The following C12orf75 variants were observed in gnomAD, a reference collection of about 807,000 sequenced individuals.
The protein encoded by C12orf75 is overexpressed in colon carcinoma 1 protein.
A neutral mutation model predicts 11.4 loss-of-function variants in C12orf75; 4 were observed. The ratio of observed to expected loss-of-function variants is 0.35; its 90% CI spans 0.17 to 0.80. The LOEUF (loss-of-function observed/expected upper bound fraction) is 0.80. C12orf75 is among the 30% of genes least tolerant of loss of function. The pLI, the probability that C12orf75 is intolerant of heterozygous loss-of-function variation, is 0.52. For synonymous variants in C12orf75, 30 were observed against 30.0 expected (o/e 1.00, Z 0.00); for missense variants, 89 against 80.4 (o/e 1.11, Z -0.41).
intron 2 of C12orf75, among the ~76,000 whole-genome samples, chr12:105,352,963 G>A (rs1892732447): frequency 1.3e-5 from 2 of 152,180 alleles, no homozygotes; most frequent in African/African-American, 4.8e-5. Flanking sequence ...AAACAAAACA[G>A]TGAATTCAAG....
chr12:105,347,620 A>T (rs776001977), intron 1 of C12orf75, among the ~76,000 whole-genome samples: 26 of 152,234 alleles, frequency 1.7e-4, no homozygotes, highest in Non-Finnish European at 3.2e-4. Context: ...CTGATAGCTG[A>T]TTAGATGGGG....
At chr12:105,343,272 ACTT>A (rs1465596185) in intron 1 of C12orf75, among the ~76,000 whole-genome samples, 2 of 151,400 alleles carry the variant, frequency 1.3e-5, no homozygotes, top group African/African-American at 2.4e-5. Context: ...TTTCATTTCT[ACTT>A]CTCCTGAGGC....
chr12:105,344,594 CAGTT>C (rs1892612862), intron 1 of C12orf75, among the ~76,000 whole-genome samples: 2 of 151,996 alleles, frequency 1.3e-5, no homozygotes, highest in Admixed American at 6.6e-5. Flanking sequence ...AATACAAAAA[CAGTT>C]AGCTGGGTGT....
intron 5 of C12orf75, among the ~76,000 whole-genome samples, chr12:105,369,278 T>G (rs905658576): frequency 6.6e-6 from 1 of 152,208 alleles, no homozygotes; most frequent in Non-Finnish European, 1.5e-5. Context: ...AGCATAATCC[T>G]GGTGAGCAAG....
intron 2 of C12orf75, among the ~76,000 whole-genome samples, chr12:105,358,418 G>A (rs1012821755): frequency 3.3e-5 from 5 of 152,150 alleles, no homozygotes; most frequent in Admixed American, 2.0e-4. Flanking sequence ...CTGCTAGGGA[G>A]GCCGAGATGG....
intron 1 of C12orf75, among the ~76,000 whole-genome samples, chr12:105,333,419 C>A (rs182671919): frequency 6.6e-6 from 1 of 152,152 alleles, no homozygotes; most frequent in Non-Finnish European, 1.5e-5. Context: ...CCGAGCAATA[C>A]GAAACGCGTT....
Position 105,351,757 on chromosome 12 carries a change from G to A in C12orf75, c.71+3131G>A, listed in dbSNP as rs540448496. Among the ~76,000 whole-genome samples the A allele has an allele frequency of 3.8e-3, 574 of 152,312 alleles. 5 individuals carry two copies. The highest frequency in any genetic ancestry group is 0.013 in the African/African-American group (549 of 41,566). ...CCAGGTGGTGTCCCCTGGAGCCTGT[G>A]CCTGTGGTACAGTCTGGGCAGAAGT... On this transcript the variant is annotated intron_variant, in intron 2 of 5. Coordinates refer to ENST00000443585, the MANE Select transcript of C12orf75 (RefSeq NM_001145199.2).
intron 2 of C12orf75, among the ~76,000 whole-genome samples, chr12:105,362,100 C>G (rs1425368719): frequency 6.6e-6 from 1 of 152,112 alleles, no homozygotes; most frequent in African/African-American, 2.4e-5. Flanking sequence ...AATTGGAGAG[C>G]TCCTGGCCGG....
intron 5 of C12orf75, 37 bp downstream of exon 5, chr12:105,367,546 G>T: frequency 1.8e-6 from 1 of 547,802 alleles, no homozygotes; most frequent in South Asian, 2.8e-5. Context: ...TATATATTTA[G>T]ACTTATTGAT....
intron 1 of C12orf75, among the ~76,000 whole-genome samples, chr12:105,338,700 A>T (rs1298468055): frequency 6.6e-6 from 1 of 152,002 alleles, no homozygotes; most frequent in Admixed American, 6.6e-5. Flanking sequence ...GTGTGCAGAG[A>T]TCACATGGCA....
chr12:105,334,025 T>C (rs1892470005), intron 1 of C12orf75, among the ~76,000 whole-genome samples: 1 of 152,204 alleles, frequency 6.6e-6, no homozygotes, highest in Non-Finnish European at 1.5e-5. Context: ...CAGATTGATA[T>C]GCAGTAGTGT....
chr12:105,335,065 A>G (rs764018567), intron 1 of C12orf75, among the ~76,000 whole-genome samples: 5 of 152,216 alleles, frequency 3.3e-5, no homozygotes, highest in Admixed American at 2.6e-4. Context: ...TCTGCCAGAG[A>G]TATGTAATTG....
chr12:105,369,861 G>A (rs1016141777), intron 5 of C12orf75, among the ~76,000 whole-genome samples: 1 of 152,150 alleles, frequency 6.6e-6, no homozygotes, highest in Non-Finnish European at 1.5e-5. Flanking sequence ...TGAACTCATG[G>A]CTTTCTAGGC....
chr12:105,347,515 G>A (rs747462481), intron 1 of C12orf75, among the ~76,000 whole-genome samples: 11 of 152,134 alleles, frequency 7.2e-5, no homozygotes, highest in African/African-American at 1.7e-4. Flanking sequence ...GATATTCGAG[G>A]GCAGGAAGCA....
chr12:105,350,184 C>T (rs952792330), intron 2 of C12orf75, among the ~76,000 whole-genome samples: 1 of 152,248 alleles, frequency 6.6e-6, no homozygotes, highest in South Asian at 2.1e-4. Flanking sequence ...GATTAATTTT[C>T]CTCAAGCACT....
At chr12:105,334,088 G>C (rs1298220123) in intron 1 of C12orf75, among the ~76,000 whole-genome samples, 2 of 152,212 alleles carry the variant, frequency 1.3e-5, no homozygotes, top group Admixed American at 1.3e-4. Flanking sequence ...CTGGTATGGA[G>C]TAAAAGGGTC....
At chr12:105,345,448 C>A (rs922109938) in intron 1 of C12orf75, among the ~76,000 whole-genome samples, 1 of 151,672 alleles carries the variant, frequency 6.6e-6, no homozygotes, top group Admixed American at 6.6e-5. Flanking sequence ...CAAGATGGCA[C>A]CACTACACTC....
intron 1 of C12orf75, among the ~76,000 whole-genome samples, chr12:105,338,560 A>G (rs1892525371): frequency 6.6e-6 from 1 of 152,158 alleles, no homozygotes; most frequent in African/African-American, 2.4e-5. Context: ...AGACGGGGTA[A>G]TTGATAAAGA....
At chr12:105,367,537 A>G (rs777706718) in intron 5 of C12orf75, 28 bp downstream of exon 5, 3 of 628,596 alleles carry the variant, frequency 4.8e-6, no homozygotes, top group Non-Finnish European at 8.1e-6. Flanking sequence ...AAATAATTCT[A>G]TATATTTAGA....
Sources: gnomAD v4.1 joint callset for allele counts (sites outside exome capture counted in the v4.1 genomes callset) on GRCh38, gnomAD v4.1.1 for gene constraint, MANE v1.5 for transcripts, NCBI Gene and HGNC (gene_info 2026-07-23, HGNC 2026-07-21) for gene names.